Variants in RAB10 observed in about 807,000 individuals in gnomAD.
RAB10 encodes RAB10, member RAS oncogene family, also known as ras-related protein Rab-10.
In RAB10, 5 loss-of-function variants were observed where a neutral mutation model predicts 25.7. The ratio of observed to expected loss-of-function variants is 0.19; its 90% CI spans 0.10 to 0.41. The LOEUF (loss-of-function observed/expected upper bound fraction) is 0.41. RAB10 is among the 10% of genes least tolerant of loss of function. RAB10 has a pLI of 1.00. For missense variants in RAB10, 103 were observed against 245.8 expected (o/e 0.42, Z 3.89); for synonymous variants, 89 against 86.4 (o/e 1.03, Z -0.16).
intron 1 of RAB10, among the ~76,000 whole-genome samples, chr2:26,035,068 T>G (rs986035297): frequency 1.3e-5 from 2 of 152,220 alleles, no homozygotes; most frequent in African/African-American, 4.8e-5. Context: ...TGTGATATTT[T>G]TAAGGTATTT....
At chr2:26,096,426 CTGGCTGGA>C (rs1452393822) in intron 1 of RAB10, among the ~76,000 whole-genome samples, 239 of 79,956 alleles carry the variant, frequency 3.0e-3, no homozygotes, top group African/African-American at 9.8e-3. Flanking sequence ...GGATGGCTGG[CTGGCTGGA>C]TGGATGGATG....
intron 1 of RAB10, among the ~76,000 whole-genome samples, chr2:26,052,490 T>C (rs2149264534): frequency 6.6e-6 from 1 of 151,064 alleles, no homozygotes; most frequent in African/African-American, 2.4e-5. Flanking sequence ...TTTTTTTTTT[T>C]TCACTGAGAG....
rs1668122528 is a variant in RAB10 at position 26,136,877 on chromosome 2, A to G, written c.*1856A>G. The G allele has an allele frequency of 6.6e-6, 1 of 152,548 alleles. No homozygotes were observed. Among genetic ancestry groups the G allele is most frequent in the Non-Finnish European group, 1.5e-5 (1 of 67,986 alleles). 9.4% of individuals were successfully genotyped at this position (152,548 alleles called of 1,614,324 possible). ...CTTTATCATTGTTTACTACTAGTAA[A>G]AAGCAGCATTGCCAAATAATCCCTA... On this transcript the variant is annotated 3_prime_UTR_variant, in exon 6 of 6. Coordinates refer to ENST00000264710, the MANE Select transcript of RAB10 (RefSeq NM_016131.5).
intron 2 of RAB10, among the ~76,000 whole-genome samples, chr2:26,107,116 C>G (rs577269798): frequency 6.6e-6 from 1 of 151,792 alleles, no homozygotes; most frequent in East Asian, 1.9e-4. Flanking sequence ...TGTGGTGGCA[C>G]GTGCCTGTAA....
intron 2 of RAB10, among the ~76,000 whole-genome samples, chr2:26,100,358 C>T (rs1014883426): frequency 4.6e-5 from 7 of 152,268 alleles, no homozygotes; most frequent in Admixed American, 4.6e-4. Context: ...CCCTGACAGT[C>T]TACTTAGTAA....
At position 26,088,853 on chromosome 2, in the gene RAB10, G is replaced by A. The variant is rs183652723; in HGVS notation, c.128-9809G>A. 1.7e-3 allele frequency among the ~76,000 whole-genome samples: 253 copies of A among 151,922 alleles called. 1 individual carries two copies. The highest frequency in any genetic ancestry group is 6.0e-3 in the African/African-American group (247 of 41,452). On this transcript the variant is annotated intron_variant, in intron 1 of 5. Transcript: ENST00000264710. The stretch of plus-strand genomic sequence containing the variant: ...TTGGCAAGACTGGTCTCGAACTCCT[G>A]ACCTCGTGATCCGCCCACCTGGGCC...
At chr2:26,047,782 C>T (rs565958630) in intron 1 of RAB10, among the ~76,000 whole-genome samples, 6 of 127,194 alleles carry the variant, frequency 4.7e-5, no homozygotes, top group Non-Finnish European at 7.9e-5. Flanking sequence ...GGAGTGCAGT[C>T]GCACAATCTT....
At position 26,095,740 on chromosome 2, in the gene RAB10, C is replaced by A. The variant is rs541339077; in HGVS notation, c.128-2922C>A. Among the ~76,000 whole-genome samples, 7 of 152,146 alleles carry A rather than the reference C, an allele frequency of 4.6e-5. No homozygotes were observed. In the East Asian group the frequency reaches 1.4e-3, roughly 29 times the overall value. On this transcript the variant is annotated intron_variant, in intron 1 of 5. Transcript: ENST00000264710. ...CAGCCTGGGCAACATATTGGGACGT[C>A]GTTTCTACAAATAATACAAGAATTA...
rs143464867 is a variant in RAB10 at position 26,066,728 on chromosome 2, A to G, written c.128-31934A>G. 2.1e-3 allele frequency among the ~76,000 whole-genome samples: 318 copies of G among 151,544 alleles called. 3 individuals are homozygous for G. Among genetic ancestry groups the G allele is most frequent in the African/African-American group, 6.5e-3 (268 of 41,176 alleles). ...ATGACACTTGGGGATTATGGGAACT[A>G]CAGTTCAAGATGACATTTGGGTGGG... is the stretch of plus-strand genomic sequence containing the variant. On this transcript the variant is annotated intron_variant, in intron 1 of 5. Transcript: ENST00000264710.
chr2:26,083,262 TA>T, intron 1 of RAB10, among the ~76,000 whole-genome samples: 1 of 152,166 alleles, frequency 6.6e-6, no homozygotes, highest in Non-Finnish European at 1.5e-5. Context: ...TAGAAAATCC[TA>T]AATAACCTAC....
intron 2 of RAB10, among the ~76,000 whole-genome samples, chr2:26,100,032 A>G (rs1013813486): frequency 1.3e-5 from 2 of 152,182 alleles, no homozygotes; most frequent in African/African-American, 4.8e-5. Context: ...AAGGCAATCA[A>G]TAGTTTATTT....
intron 1 of RAB10, among the ~76,000 whole-genome samples, chr2:26,065,177 ACAG>A (rs1666489183): frequency 6.6e-6 from 1 of 152,238 alleles, no homozygotes; most frequent in South Asian, 2.1e-4. Context: ...GACTGACCAA[ACAG>A]CAGTGCTTGT....
chr2:26,126,253 G>T (rs1012074280), intron 3 of RAB10, among the ~76,000 whole-genome samples: 6 of 151,988 alleles, frequency 3.9e-5, no homozygotes, highest in African/African-American at 1.2e-4. Flanking sequence ...TTTTTGATTT[G>T]CAGTAAGTTC....
intron 1 of RAB10, among the ~76,000 whole-genome samples, chr2:26,043,148 C>T (rs1247329961): frequency 1.3e-5 from 2 of 150,484 alleles, no homozygotes; most frequent in African/African-American, 5.0e-5. Flanking sequence ...CAAACAGGGC[C>T]AGGCAAGGTG....
chr2:26,058,564 C>A (rs1339554909), intron 1 of RAB10, among the ~76,000 whole-genome samples: 1 of 152,052 alleles, frequency 6.6e-6, no homozygotes, highest in Non-Finnish European at 1.5e-5. Context: ...TACTGTGCCC[C>A]GGCTAAATCT....
At chr2:26,089,094 C>G (rs1667049369) in intron 1 of RAB10, among the ~76,000 whole-genome samples, 1 of 151,986 alleles carries the variant, frequency 6.6e-6, no homozygotes, top group South Asian at 2.1e-4. Context: ...GGAGAGGTGG[C>G]TTGGGGCCAT....
chr2:26,034,226 GA>G lies in RAB10; in HGVS notation c.-382del. On this transcript the variant is annotated 5_prime_UTR_variant, in exon 1 of 6. Coordinates refer to ENST00000264710, the MANE Select transcript of RAB10 (RefSeq NM_016131.5). The stretch of plus-strand genomic sequence containing the variant: ...GCTGCCCTCGCCGCGTGCTAGCAGG[GA>G]GTTTCCGCTCGGGAGAGAGACTGTC... 1 of 437,008 alleles carries G rather than the reference GA, an allele frequency of 2.3e-6. No individual in the cohort carries two copies. The allele number at this position is 437,008 out of a possible 1,614,324, so 27.1% of individuals were successfully genotyped here. A position where few individuals can be genotyped will look rare whatever the true frequency, so the allele number is the denominator to read the frequency against.
chr2:26,085,921 C>T (rs1446531468), intron 1 of RAB10, among the ~76,000 whole-genome samples: 1 of 140,264 alleles, frequency 7.1e-6, no homozygotes, highest in African/African-American at 2.7e-5. Context: ...ATCACTTGAA[C>T]CCAGGAGGCA....
At chr2:26,117,637 A>AAAAAAAAAC (rs1559597816) in intron 3 of RAB10, among the ~76,000 whole-genome samples, 7 of 138,142 alleles carry the variant, frequency 5.1e-5, no homozygotes, top group South Asian at 2.3e-4. Flanking sequence ...AAAAAAAAAC[A>AAAAAAAAAC]AAAAAAACAA....
Sources: allele counts gnomAD v4.1 joint callset (sites outside exome capture counted in the v4.1 genomes callset), GRCh38; gene constraint gnomAD v4.1.1; transcripts MANE v1.5; gene names NCBI Gene and HGNC (gene_info 2026-07-23, HGNC 2026-07-21).